Variants in CRACD observed in about 807,000 individuals in gnomAD.
The protein encoded by CRACD is capping protein-inhibiting regulator of actin dynamics.
In CRACD, 56 loss-of-function variants were observed where a neutral mutation model predicts 106.8. That is an observed-to-expected ratio of 0.52 (90% CI 0.42 to 0.66). CRACD has a LOEUF of 0.66. Among genes scored for constraint, CRACD ranks in the 30% least tolerant of loss-of-function variants. The pLI is 0.00. For missense variants in CRACD, 1,730 were observed against 1,623.2 expected, an observed-to-expected ratio of 1.07 and a Z score of -1.13; for synonymous variants, 754 against 670.8, an observed-to-expected ratio of 1.12 and a Z score of -1.92.
intron 1 of CRACD, among the ~76,000 whole-genome samples, chr4:56,158,252 T>C (rs1417691964): frequency 6.6e-6 from 1 of 152,230 alleles, no homozygotes; most frequent in Non-Finnish European, 1.5e-5. Flanking sequence ...GTATATATGT[T>C]CTTTACAATG....
chr4:56,158,656 G>A (rs1042554684), intron 1 of CRACD, among the ~76,000 whole-genome samples: 6 of 152,258 alleles, frequency 3.9e-5, no homozygotes, highest in Non-Finnish European at 5.9e-5. Flanking sequence ...TCATGTGGGC[G>A]ATGATATGTC....
At chr4:56,163,160 G>A (rs1312351921) in intron 1 of CRACD, among the ~76,000 whole-genome samples, 1 of 152,124 alleles carries the variant, frequency 6.6e-6, no homozygotes, top group South Asian at 2.1e-4. Context: ...TCTGTGCCAG[G>A]TAGATGAGGA....
intron 1 of CRACD, among the ~76,000 whole-genome samples, chr4:56,166,675 C>CAAAAAA (rs35537364): frequency 0.23 from 21,193 of 92,032 alleles, 2,797 homozygotes; most frequent in Non-Finnish European, 0.26. Context: ...CACTCTGTCT[C>CAAAAAA]AAAAAAAAAA....
intron 2 of CRACD, among the ~76,000 whole-genome samples, chr4:56,197,770 C>T (rs1182757579): frequency 7.9e-5 from 12 of 151,766 alleles, no homozygotes; most frequent in Admixed American, 5.9e-4. Context: ...CTCCTCCTCC[C>T]GGGTTCACGC....
At chr4:56,275,043 T>C (rs998271848) in intron 3 of CRACD, among the ~76,000 whole-genome samples, 1 of 152,174 alleles carries the variant, frequency 6.6e-6, no homozygotes, top group Non-Finnish European at 1.5e-5. Flanking sequence ...GAAAACCAAA[T>C]ACTGCATGTT....
intron 3 of CRACD, among the ~76,000 whole-genome samples, chr4:56,281,246 T>C (rs953310658): frequency 6.6e-6 from 1 of 151,798 alleles, no homozygotes; most frequent in Non-Finnish European, 1.5e-5. Context: ...ATGAACCCTA[T>C]TGTGAACTGT....
chr4:56,074,959 A>G (rs978343057), intron 1 of CRACD, among the ~76,000 whole-genome samples: 37 of 151,930 alleles, frequency 2.4e-4, no homozygotes, highest in Admixed American at 7.2e-4. Context: ...GGTTTTTGTG[A>G]TTGGTTCTGT....
At chr4:56,104,868 G>A (rs887944520) in intron 1 of CRACD, among the ~76,000 whole-genome samples, 2 of 151,658 alleles carry the variant, frequency 1.3e-5, no homozygotes, top group African/African-American at 4.8e-5. Context: ...TCGGGAGGCT[G>A]AGGCAGGAGA....
intron 1 of CRACD, among the ~76,000 whole-genome samples, chr4:56,172,137 C>T (rs111274312): frequency 0.011 from 1,687 of 147,692 alleles, 37 homozygotes; most frequent in African/African-American, 0.04. Context: ...GTTGGGGAGT[C>T]GCAGAGGAAT....
intron 1 of CRACD, among the ~76,000 whole-genome samples, chr4:56,108,874 A>G (rs945105060): frequency 1.3e-5 from 2 of 152,252 alleles, no homozygotes; most frequent in Admixed American, 1.3e-4. Flanking sequence ...AAGCGGAACC[A>G]GGAGTACGAG....
At position 56,315,794 on chromosome 4, in the gene CRACD, T is replaced by C. The variant is rs1745589956; in HGVS notation, c.2292T>C (p.Ala764=). 2 of 1,614,172 alleles carry C rather than the reference T, an allele frequency of 1.2e-6. No homozygotes were observed. The highest frequency in any genetic ancestry group is 3.3e-5 in the Admixed American group (2 of 60,026). ...AGACAGCCCCCCAGCCTCCTCCTGC[T>C]GGTGTTCGCGAGCTCGGGAAGGGTC... ...SEETAPQPPP[A]GVRELGKGPE... is the part of the protein sequence containing the mutation. The change falls in exon 8 of 11, where the codon GCT becomes GCC. Residue 764 remains alanine, a synonymous_variant. Coordinates refer to ENST00000682029, the MANE Select transcript of CRACD (RefSeq NM_001393381.1). This position sits in a 1 kb window ranked among gnomAD's most constrained non-coding sequence, Gnocchi z 4.1.
intron 1 of CRACD, among the ~76,000 whole-genome samples, chr4:56,151,543 T>C (rs955612651): frequency 6.6e-6 from 1 of 152,136 alleles, no homozygotes; most frequent in African/African-American, 2.4e-5. Context: ...GAGGATATTC[T>C]CCTATACATT....
intron 2 of CRACD, among the ~76,000 whole-genome samples, chr4:56,242,892 C>T (rs1225585495): frequency 6.6e-6 from 1 of 152,106 alleles, no homozygotes; most frequent in Non-Finnish European, 1.5e-5. Context: ...TTGTACACTT[C>T]ACGGTGACTA....
At chr4:56,247,089 A>C (rs1223353555) in intron 2 of CRACD, among the ~76,000 whole-genome samples, 1 of 152,128 alleles carries the variant, frequency 6.6e-6, no homozygotes, top group African/African-American at 2.4e-5. Flanking sequence ...AGGACAAGGG[A>C]GTTGCAAATA....
At chr4:56,197,097 TATC>T (rs1310103789) in intron 2 of CRACD, among the ~76,000 whole-genome samples, 1 of 152,196 alleles carries the variant, frequency 6.6e-6, no homozygotes, top group East Asian at 1.9e-4. Context: ...AAATAAGAAT[TATC>T]ATAATATATT....
At chr4:56,170,012 GT>G (rs1484297430) in intron 1 of CRACD, among the ~76,000 whole-genome samples, 3 of 152,108 alleles carry the variant, frequency 2.0e-5, no homozygotes, top group Non-Finnish European at 4.4e-5. Flanking sequence ...TGATACTTAG[GT>G]TCTGTTTGTA....
At chr4:56,205,517 G>GT (rs549442525) in intron 2 of CRACD, among the ~76,000 whole-genome samples, 79 of 148,710 alleles carry the variant, frequency 5.3e-4, no homozygotes, top group East Asian at 9.8e-4. Context: ...CCGGTTAAAT[G>GT]TTTTTTTTTT....
rs765486522 is a variant in CRACD at position 56,315,285 on chromosome 4, G to T, written c.1783G>T (p.Ala595Ser). 4 of 1,613,122 alleles carry T rather than the reference G, an allele frequency of 2.5e-6. No individual in the cohort carries two copies. The Admixed American group carries it at 6.7e-5, about 27-fold the overall frequency. The change falls in exon 8 of 11, where the codon GCC becomes TCC. Residue 595 changes from alanine (A) to serine (S), a missense_variant. Around this residue, in one of 5 missense-constraint regions of CRACD, gnomAD observed 1,620 missense variants for 1,481.6 expected, o/e 1.09. Transcript: ENST00000682029. The surrounding 1 kb of genome is among the most constrained non-coding windows in gnomAD (Gnocchi z 4.1). ...LPSSLSVPHT[A>S]ILVTGAQLCG... Reference sequence around the variant, plus strand: ...GTCGTCCCTGAGCGTTCCCCACACCGCCATTCTGGTCACGGGCGCGCAGCT... The same window carrying T: ...GTCGTCCCTGAGCGTTCCCCACACCTCCATTCTGGTCACGGGCGCGCAGCT...
chr4:56,298,437 T>A, intron 4 of CRACD, 88 bp downstream of exon 4: 1 of 1,516,166 alleles, frequency 6.6e-7, no homozygotes, highest in Non-Finnish European at 9.0e-7. Context: ...TGGCCTTGAG[T>A]AATGGATTGG....
Sources: allele counts gnomAD v4.1 joint callset (sites outside exome capture counted in the v4.1 genomes callset), GRCh38; gene constraint gnomAD v4.1.1; regional missense constraint gnomAD v4.1.1; non-coding constraint Gnocchi (gnomAD v3.1); transcripts MANE v1.5; gene names NCBI Gene and HGNC (gene_info 2026-07-23, HGNC 2026-07-21).